The following SYT16 variants were observed in gnomAD, a reference collection of about 807,000 sequenced individuals.
SYT16 encodes the protein synaptotagmin-16.
In SYT16, 42 loss-of-function variants were observed where a neutral mutation model predicts 61.4. The ratio of observed to expected loss-of-function variants is 0.68; its 90% CI spans 0.53 to 0.89. SYT16 has a LOEUF of 0.89. SYT16 is among the 40% of genes least tolerant of loss of function. SYT16 has a pLI of 0.00. For missense variants in SYT16, 804 were observed against 807.3 expected (o/e 1.00, Z 0.05); for synonymous variants, 314 against 302.3 (o/e 1.04, Z -0.40).
intron 1 of SYT16, among the ~76,000 whole-genome samples, chr14:61,817,287 A>C (rs1321593187): frequency 6.6e-6 from 1 of 150,854 alleles, no homozygotes; most frequent in Non-Finnish European, 1.5e-5. Flanking sequence ...GTGTGGTGAC[A>C]GGCGCCTGTA....
intron 5 of SYT16, among the ~76,000 whole-genome samples, chr14:62,080,182 C>T (rs145182098): frequency 2.2e-3 from 340 of 152,290 alleles, no homozygotes; most frequent in Non-Finnish European, 3.6e-3. Flanking sequence ...CCTTGCTGCT[C>T]AAAGTGTGAG....
In SYT16 at chr14:62,111,461, T is replaced by C. The variant is rs2057607485; in HGVS notation, c.*10754T>C. On this transcript the variant is annotated 3_prime_UTR_variant, in exon 8 of 8. Transcript: ENST00000683842. Reference sequence around the variant, plus strand: ...ATTCTATGCTTACTTTAATACATTATTTATATGTGCTAGACTGTGCTGAGT... The same window carrying C: ...ATTCTATGCTTACTTTAATACATTACTTATATGTGCTAGACTGTGCTGAGT... The C allele has an allele frequency of 6.6e-6, 1 of 151,200 alleles. No individual in the cohort carries two copies. Among genetic ancestry groups the C allele is most frequent in the South Asian group, 2.1e-4 (1 of 4,814 alleles). The allele number at this position is 151,200 out of a possible 1,614,324, so 9.4% of individuals were successfully genotyped here.
intron 1 of SYT16, among the ~76,000 whole-genome samples, chr14:61,830,052 T>C (rs1594709110): frequency 1.3e-5 from 2 of 152,258 alleles, no homozygotes; most frequent in East Asian, 3.8e-4. Flanking sequence ...TAAGTTATTG[T>C]ATTTTTCAGT....
intron 1 of SYT16, among the ~76,000 whole-genome samples, chr14:61,881,834 C>T (rs1248399533): frequency 6.6e-6 from 1 of 152,160 alleles, no homozygotes; most frequent in Non-Finnish European, 1.5e-5. Context: ...TACAGTCCCC[C>T]TCCTCCACTA....
At chr14:62,058,340 CTTTT>C (rs796187620) in intron 3 of SYT16, among the ~76,000 whole-genome samples, 20,142 of 108,666 alleles carry the variant, frequency 0.19, 3,082 homozygotes, top group African/African-American at 0.5. Context: ...TGTTTAAATT[CTTTT>C]TTTTTTTTTT....
At chr14:61,861,597 G>A (rs528295410) in intron 1 of SYT16, among the ~76,000 whole-genome samples, 6 of 152,106 alleles carry the variant, frequency 3.9e-5, no homozygotes, top group Admixed American at 2.6e-4. Flanking sequence ...TAGAAAGGGG[G>A]TTTTGGCATG....
intron 5 of SYT16, chr14:62,077,811 C>G (rs2056549724): frequency 6.6e-6 from 1 of 152,160 alleles, no homozygotes; most frequent in Admixed American, 6.5e-5. Context: ...TATCCAAAGC[C>G]CAGCCATTGG....
chr14:62,016,824 A>G (rs1350901482), intron 3 of SYT16, among the ~76,000 whole-genome samples: 1 of 152,146 alleles, frequency 6.6e-6, no homozygotes, highest in East Asian at 1.9e-4. Context: ...TGTTAACTTT[A>G]TCTCTATTTC....
intron 2 of SYT16, among the ~76,000 whole-genome samples, chr14:61,975,083 A>G (rs1458545162): frequency 6.6e-6 from 1 of 152,244 alleles, no homozygotes; most frequent in Non-Finnish European, 1.5e-5. Flanking sequence ...GAGTATGTTC[A>G]AGTACACGTG....
At chr14:62,017,784 G>A (rs144990452) in intron 3 of SYT16, among the ~76,000 whole-genome samples, 83 of 151,658 alleles carry the variant, frequency 5.5e-4, no homozygotes, top group African/African-American at 1.7e-3. Flanking sequence ...GCAGTGGTGC[G>A]GTCATAGCTC....
At chr14:61,937,405 C>T (rs1403473527) in intron 1 of SYT16, among the ~76,000 whole-genome samples, 1 of 152,182 alleles carries the variant, frequency 6.6e-6, no homozygotes, top group Non-Finnish European at 1.5e-5. Flanking sequence ...AGGGGAAGTC[C>T]TTTGAAAGTA....
At chr14:62,068,090 G>A (rs989978650) in intron 3 of SYT16, among the ~76,000 whole-genome samples, 3 of 152,184 alleles carry the variant, frequency 2.0e-5, no homozygotes, top group Non-Finnish European at 4.4e-5. Flanking sequence ...AAAGGTATCT[G>A]CACTCCCATG....
At position 62,045,119 on chromosome 14, in the gene SYT16, C is replaced by T. The variant is rs1235331736; in HGVS notation, c.524-24484C>T. On this transcript the variant is annotated intron_variant, in intron 3 of 7. Transcript: ENST00000683842. ...CGCCATTACACTCCAGCCTGGGTGA[C>T]AGAGTGAGACTATGTCTAAAATAAA... Among the ~76,000 whole-genome samples, 4 of 152,196 alleles carry T rather than the reference C, an allele frequency of 2.6e-5. No homozygotes were observed. In the East Asian group the frequency reaches 7.7e-4, roughly 29 times the overall value.
intron 7 of SYT16, among the ~76,000 whole-genome samples, chr14:62,088,823 A>G (rs1039573583): frequency 2.0e-5 from 3 of 152,164 alleles, no homozygotes; most frequent in Non-Finnish European, 1.5e-5. Context: ...CAAATATTCT[A>G]TATATTTTAA....
At chr14:62,030,693 T>G (rs1370499335) in intron 3 of SYT16, among the ~76,000 whole-genome samples, 1 of 152,248 alleles carries the variant, frequency 6.6e-6, no homozygotes, top group African/African-American at 2.4e-5. Flanking sequence ...TTAATCACAT[T>G]CAAAGGTGGC....
intron 3 of SYT16, among the ~76,000 whole-genome samples, chr14:62,011,793 G>A (rs558024508): frequency 4.0e-5 from 6 of 150,296 alleles, no homozygotes; most frequent in Admixed American, 2.0e-4. Context: ...CACATATGCC[G>A]TATATCACCA....
chr14:62,011,942 T>TATATATATATA (rs1555370094), intron 3 of SYT16, among the ~76,000 whole-genome samples: 4 of 144,594 alleles, frequency 2.8e-5, no homozygotes, highest in African/African-American at 1.1e-4. Context: ...TATATATATA[T>TATATATATATA]TTGATGCTGT....
chr14:61,884,724 C>CT (rs1416993975), intron 1 of SYT16, among the ~76,000 whole-genome samples: 1 of 152,092 alleles, frequency 6.6e-6, no homozygotes, highest in Non-Finnish European at 1.5e-5. Flanking sequence ...AAGAAGCTGA[C>CT]TTTTTTTTCC....
intron 3 of SYT16, among the ~76,000 whole-genome samples, chr14:62,058,480 C>T (rs1474227350): frequency 2.0e-4 from 31 of 151,744 alleles, no homozygotes; most frequent in Non-Finnish European, 2.8e-4. Flanking sequence ...TCTCCTGCCT[C>T]GGCCTCCTGA....
Sources: allele counts gnomAD v4.1 joint callset (sites outside exome capture counted in the v4.1 genomes callset), GRCh38; gene constraint gnomAD v4.1.1; transcripts MANE v1.5; gene names NCBI Gene and HGNC (gene_info 2026-07-23, HGNC 2026-07-21).